Variants in EYS observed in about 807,000 individuals in gnomAD.
EYS encodes the protein EGF-like photoreceptor maintenance factor.
In EYS, 250 loss-of-function variants were observed where a neutral mutation model predicts 282.1. The observed-to-expected ratio is 0.89, with a 90% CI of 0.80 to 0.98. The LOEUF (loss-of-function observed/expected upper bound fraction) is 0.98, where lower values mean the gene tolerates loss of function less well. Among genes scored for constraint, EYS ranks in the 50% least tolerant of loss-of-function variants. EYS has a pLI of 0.00. For missense variants in EYS, 4,016 were observed against 3,709.0 expected, an observed-to-expected ratio of 1.08 and a Z score of -2.15; for synonymous variants, 1,355 against 1,282.9, an observed-to-expected ratio of 1.06 and a Z score of -1.20.
chr6:64,755,235 C>A (rs555754061), intron 22 of EYS, among the ~76,000 whole-genome samples: 8 of 151,894 alleles, frequency 5.3e-5, no homozygotes, highest in African/African-American at 1.4e-4. Flanking sequence ...TACATTTAAC[C>A]AAGGAGGTGA....
chr6:63,840,667 T>C lies in EYS; in HGVS notation c.7228+23519A>G, dbSNP rs1771932818. Among the ~76,000 whole-genome samples the C allele has an allele frequency of 2.0e-5, 3 of 152,196 alleles. No homozygotes were observed. The South Asian group carries it at 6.2e-4, about 31-fold the overall frequency. ...GTTTTCTTCTAGTAGTTTTAGAGTT[T>C]CAGGTCTTAAATTTAAGTCTTTAAT... On this transcript the variant is annotated intron_variant, in intron 36 of 42. Coordinates refer to ENST00000503581, the MANE Select transcript of EYS (RefSeq NM_001142800.2).
chr6:65,131,137 C>G, intron 12 of EYS, among the ~76,000 whole-genome samples: 1 of 151,402 alleles, frequency 6.6e-6, no homozygotes, highest in East Asian at 1.9e-4. Flanking sequence ...TTAATCACCT[C>G]TCTTAGTTAC....
intron 8 of EYS, among the ~76,000 whole-genome samples, chr6:65,356,423 A>G (rs1413688517): frequency 6.6e-6 from 1 of 152,026 alleles, no homozygotes; most frequent in African/African-American, 2.4e-5. Flanking sequence ...CTTGAGAGAG[A>G]TGAGCTGATA....
At chr6:64,807,635 C>T (rs780988128) in intron 22 of EYS, among the ~76,000 whole-genome samples, 3 of 151,966 alleles carry the variant, frequency 2.0e-5, no homozygotes, top group Non-Finnish European at 2.9e-5. Flanking sequence ...TTCTTCATTA[C>T]GTAATATAAA....
intron 14 of EYS, among the ~76,000 whole-genome samples, chr6:64,990,847 T>C (rs975871426): frequency 6.6e-6 from 1 of 151,672 alleles, no homozygotes; most frequent in Non-Finnish European, 1.5e-5. Context: ...CATACTTGTT[T>C]ACTCAGGTGA....
intron 40 of EYS, among the ~76,000 whole-genome samples, chr6:63,766,074 G>A (rs564870011): frequency 3.9e-5 from 6 of 152,032 alleles, no homozygotes; most frequent in Admixed American, 1.3e-4. Context: ...TGAGATCTTA[G>A]CATATTTTTT....
At chr6:64,872,520 TG>T (rs1284171819) in intron 19 of EYS, among the ~76,000 whole-genome samples, 1 of 151,966 alleles carries the variant, frequency 6.6e-6, no homozygotes, top group Non-Finnish European at 1.5e-5. Context: ...CCACAACACA[TG>T]GAAGTGGAAG....
rs185973531 is a variant in EYS, at chr6:65,520,915, C to A, written c.-332-24922G>T. On this transcript the variant is annotated intron_variant, in intron 2 of 42. Coordinates refer to ENST00000503581, the MANE Select transcript of EYS (RefSeq NM_001142800.2). ...GCATATTTCTTTGCAATTGGAGAGG[C>A]AATTAAAAATTAAGAGTAACAAACA... Among the ~76,000 whole-genome samples, 73 of 151,800 alleles carry A rather than the reference C, an allele frequency of 4.8e-4. 1 individual carries two copies. The East Asian group carries it at 0.014, about 29-fold the overall frequency.
chr6:65,184,791 A>G (rs1765477300), intron 12 of EYS, among the ~76,000 whole-genome samples: 1 of 151,738 alleles, frequency 6.6e-6, no homozygotes, highest in Admixed American at 6.6e-5. Flanking sequence ...CTTCACAAAT[A>G]TAAAACCTCA....
chr6:63,783,182 G>C (rs1770279767), intron 39 of EYS, among the ~76,000 whole-genome samples: 1 of 152,146 alleles, frequency 6.6e-6, no homozygotes, highest in Admixed American at 6.6e-5. Context: ...ACTCTATTCA[G>C]AGTAGTAAAT....
chr6:65,373,645 T>C (rs1765246931), intron 8 of EYS, among the ~76,000 whole-genome samples: 1 of 152,068 alleles, frequency 6.6e-6, no homozygotes, highest in East Asian at 1.9e-4. Context: ...ACATTTTAAC[T>C]TGAGCATTTT....
At chr6:65,037,991 T>TCCA (rs1772821259) in intron 13 of EYS, among the ~76,000 whole-genome samples, 1 of 151,656 alleles carries the variant, frequency 6.6e-6, no homozygotes, top group African/African-American at 2.4e-5. Flanking sequence ...GTGAGAAACC[T>TCCA]AGCTTCATTA....
chr6:64,357,831 G>A (rs774401911), intron 29 of EYS, among the ~76,000 whole-genome samples: 4 of 151,600 alleles, frequency 2.6e-5, no homozygotes, highest in Admixed American at 1.3e-4. Flanking sequence ...CAGGTGGCAG[G>A]TCAGATTTTG....
At chr6:64,415,463 A>G (rs1281536729) in intron 28 of EYS, among the ~76,000 whole-genome samples, 3 of 152,172 alleles carry the variant, frequency 2.0e-5, no homozygotes, top group Non-Finnish European at 2.9e-5. Context: ...ACTAAATGTC[A>G]TCATGGTTTA....
intron 12 of EYS, among the ~76,000 whole-genome samples, chr6:65,081,529 T>C (rs1774230117): frequency 6.6e-6 from 1 of 152,086 alleles, no homozygotes. Context: ...AAAGAAATCA[T>C]TCAACAAACA....
intron 31 of EYS, among the ~76,000 whole-genome samples, chr6:64,191,992 T>G (rs1026234137): frequency 2.1e-5 from 3 of 145,522 alleles, no homozygotes; most frequent in Non-Finnish European, 4.5e-5. Context: ...CAGCACCTGT[T>G]GTTTCCTGAC....
At chr6:65,548,644 T>C (rs954474920) in intron 2 of EYS, among the ~76,000 whole-genome samples, 1 of 152,180 alleles carries the variant, frequency 6.6e-6, no homozygotes, top group Non-Finnish European at 1.5e-5. Flanking sequence ...TTCTCTATGA[T>C]TGTATCCTTT....
intron 12 of EYS, among the ~76,000 whole-genome samples, chr6:65,232,949 T>C (rs896239756): frequency 5.3e-5 from 8 of 152,126 alleles, no homozygotes; most frequent in African/African-American, 1.7e-4. Flanking sequence ...ATCAATATTG[T>C]CACATGTGTC....
At chr6:63,737,174 A>C (rs1384374332) in intron 41 of EYS, among the ~76,000 whole-genome samples, 1 of 152,016 alleles carries the variant, frequency 6.6e-6, no homozygotes, top group African/African-American at 2.4e-5. Context: ...CCAGTTTTCA[A>C]AGGGAATGCT....
Sources: allele counts gnomAD v4.1 joint callset (sites outside exome capture counted in the v4.1 genomes callset), GRCh38; gene constraint gnomAD v4.1.1; transcripts MANE v1.5; gene names NCBI Gene and HGNC (gene_info 2026-07-23, HGNC 2026-07-21).